FHIT: variants seen among roughly 807,000 people sequenced by gnomAD.
The protein encoded by FHIT is bis(5'-adenosyl)-triphosphatase.
FHIT carries 19 observed loss-of-function variants against 17.9 expected under a neutral mutation model. The ratio of observed to expected loss-of-function variants is 1.06; its 90% CI spans 0.74 to 1.56. The LOEUF (loss-of-function observed/expected upper bound fraction) is 1.56. Ranked by LOEUF, FHIT falls within the 40% of genes most tolerant of loss-of-function variation. The pLI, the probability that FHIT is intolerant of heterozygous loss-of-function variation, is 0.00. For missense variants in FHIT, 248 were observed against 189.2 expected, an observed-to-expected ratio of 1.31 and a Z score of -1.82; for synonymous variants, 81 against 69.7, an observed-to-expected ratio of 1.16 and a Z score of -0.81.
chr3:60,669,642 C>A (rs2040466162), intron 4 of FHIT, among the ~76,000 whole-genome samples: 1 of 152,098 alleles, frequency 6.6e-6, no homozygotes, highest in Non-Finnish European at 1.5e-5. Context: ...ACACCCATAC[C>A]TAATAACAAA....
intron 4 of FHIT, among the ~76,000 whole-genome samples, chr3:60,709,095 C>T (rs1284124581): frequency 6.6e-6 from 1 of 152,030 alleles, no homozygotes; most frequent in Non-Finnish European, 1.5e-5. Context: ...GTGGAAGGCC[C>T]CAAAGAGTTT....
intron 4 of FHIT, among the ~76,000 whole-genome samples, chr3:60,759,570 A>C (rs1341245073): frequency 7.9e-5 from 12 of 152,184 alleles, no homozygotes; most frequent in Non-Finnish European, 1.5e-5. Context: ...CAGAAAGAGG[A>C]TGATGACCAG....
At chr3:61,247,456 G>A (rs2040515251) in intron 1 of FHIT, among the ~76,000 whole-genome samples, 1 of 152,188 alleles carries the variant, frequency 6.6e-6, no homozygotes, top group South Asian at 2.1e-4. Flanking sequence ...GAGATGGACA[G>A]AAGGCCCCAC....
intron 4 of FHIT, among the ~76,000 whole-genome samples, chr3:60,610,054 G>C (rs2107730060): frequency 6.6e-6 from 1 of 152,254 alleles, no homozygotes; most frequent in South Asian, 2.1e-4. Context: ...TGTAGCTAGA[G>C]ACCACACAGT....
intron 5 of FHIT, among the ~76,000 whole-genome samples, chr3:60,390,396 T>TGAAAAAAAAAAAAAAAAA (rs1701174274): frequency 3.1e-5 from 1 of 32,030 alleles, no homozygotes; most frequent in African/African-American, 1.2e-4. Flanking sequence ...GTAATGGAGC[T>TGAAAAAAAAAAAAAAAAA]AAAAAAAAAA....
chr3:60,952,149 A>G (rs1269898182), intron 3 of FHIT, among the ~76,000 whole-genome samples: 1 of 150,676 alleles, frequency 6.6e-6, no homozygotes, highest in Admixed American at 6.6e-5. Context: ...GGGAGACAAG[A>G]GCAAAACTCC....
intron 3 of FHIT, among the ~76,000 whole-genome samples, chr3:60,992,180 G>A (rs1162742117): frequency 6.6e-6 from 1 of 152,192 alleles, no homozygotes; most frequent in Non-Finnish European, 1.5e-5. Context: ...GAAACTAACT[G>A]CTGTTGGTAG....
intron 7 of FHIT, among the ~76,000 whole-genome samples, chr3:59,984,330 A>G (rs1708792290): frequency 6.6e-6 from 1 of 152,054 alleles, no homozygotes; most frequent in Non-Finnish European, 1.5e-5. Flanking sequence ...GGGAAAAAAG[A>G]AATCTACTAC....
intron 5 of FHIT, among the ~76,000 whole-genome samples, chr3:60,111,161 A>G (rs1434866192): frequency 6.6e-6 from 1 of 152,224 alleles, no homozygotes; most frequent in East Asian, 1.9e-4. Context: ...CTACTAAAGA[A>G]TGTCACCGCA....
chr3:60,193,011 G>A (rs888951817), intron 5 of FHIT, among the ~76,000 whole-genome samples: 3 of 152,124 alleles, frequency 2.0e-5, no homozygotes, highest in African/African-American at 4.8e-5. Context: ...TAAGATGACC[G>A]AAAACTAAAG....
chr3:60,280,483 A>T (rs182657069), intron 5 of FHIT, among the ~76,000 whole-genome samples: 45 of 152,300 alleles, frequency 3.0e-4, no homozygotes, highest in Admixed American at 7.8e-4. Context: ...ATCAATCATA[A>T]ATATCCTTAT....
At chr3:60,343,923 T>C (rs1235107252) in intron 5 of FHIT, among the ~76,000 whole-genome samples, 1 of 152,174 alleles carries the variant, frequency 6.6e-6, no homozygotes, top group Non-Finnish European at 1.5e-5. Context: ...TATCACTTTC[T>C]CTTGTGACCT....
At chr3:60,759,068 G>T (rs1553719043) in intron 4 of FHIT, among the ~76,000 whole-genome samples, 1 of 152,126 alleles carries the variant, frequency 6.6e-6, no homozygotes, top group Non-Finnish European at 1.5e-5. Context: ...TAGAAGGCCA[G>T]TGCCACTGTA....
At chr3:60,983,217 A>T (rs1343323494) in intron 3 of FHIT, among the ~76,000 whole-genome samples, 1 of 151,996 alleles carries the variant, frequency 6.6e-6, no homozygotes, top group Admixed American at 6.6e-5. Flanking sequence ...CAGAAAGCAC[A>T]GCCTGAGGCA....
intron 4 of FHIT, among the ~76,000 whole-genome samples, chr3:60,680,609 T>C (rs1004553764): frequency 3.3e-5 from 5 of 151,290 alleles, no homozygotes; most frequent in African/African-American, 9.7e-5. Context: ...AGATTTATAA[T>C]ACCAAACTCT....
At chr3:59,916,082 A>G (rs1366300791) in intron 8 of FHIT, among the ~76,000 whole-genome samples, 2 of 152,116 alleles carry the variant, frequency 1.3e-5, no homozygotes. Context: ...GGAGATTAAC[A>G]TTTGAGTCAG....
chr3:59,791,382 C>A (rs972089553), intron 8 of FHIT, among the ~76,000 whole-genome samples: 1 of 152,180 alleles, frequency 6.6e-6, no homozygotes, highest in Non-Finnish European at 1.5e-5. Flanking sequence ...TGTGAGCCTC[C>A]GGCTGCTGGT....
chr3:59,956,315 C>T (rs977833106), intron 7 of FHIT, among the ~76,000 whole-genome samples: 1 of 151,988 alleles, frequency 6.6e-6, no homozygotes, highest in Non-Finnish European at 1.5e-5. Context: ...AGGAGGATCA[C>T]CTGAGCCCAG....
chr3:60,829,278 A>G (rs1702234431), intron 3 of FHIT, among the ~76,000 whole-genome samples: 1 of 152,052 alleles, frequency 6.6e-6, no homozygotes, highest in South Asian at 2.1e-4. Flanking sequence ...CCAATAAATT[A>G]CCCCTCTGGG....
Sources: gnomAD v4.1 joint callset for allele counts (sites outside exome capture counted in the v4.1 genomes callset) on GRCh38, gnomAD v4.1.1 for gene constraint, MANE v1.5 for transcripts, NCBI Gene and HGNC (gene_info 2026-07-23, HGNC 2026-07-21) for gene names.